The following SESN3 variants were observed in gnomAD, a reference collection of about 807,000 sequenced individuals.
SESN3 encodes the protein sestrin 3, also known as sestrin-3.
SESN3 carries 21 observed loss-of-function variants against 55.3 expected under a neutral mutation model. That is an observed-to-expected ratio of 0.38 (90% CI 0.27 to 0.55). The LOEUF is 0.55. SESN3 is among the 20% of genes least tolerant of loss of function. SESN3 has a pLI of 0.76. For missense variants in SESN3, 408 were observed against 604.3 expected, an observed-to-expected ratio of 0.68 and a Z score of 3.41; for synonymous variants, 181 against 203.1, an observed-to-expected ratio of 0.89 and a Z score of 0.93.
At chr11:95,201,529 TA>T (rs1328523842) in intron 1 of SESN3, among the ~76,000 whole-genome samples, 4 of 152,082 alleles carry the variant, frequency 2.6e-5, no homozygotes, top group Non-Finnish European at 4.4e-5. Context: ...GAACTTGTTC[TA>T]AGTGCAAACA....
chr11:95,196,929 A>C (rs1335271336), intron 1 of SESN3, among the ~76,000 whole-genome samples: 1 of 152,208 alleles, frequency 6.6e-6, no homozygotes, highest in African/African-American at 2.4e-5. Context: ...CCCAGAACCA[A>C]GCATTTTAGT....
intron 7 of SESN3, among the ~76,000 whole-genome samples, chr11:95,178,157 T>G (rs1228183504): frequency 1.3e-5 from 2 of 152,190 alleles, no homozygotes; most frequent in Admixed American, 1.3e-4. Context: ...TACACTCAGG[T>G]ACTACGCACA....
chr11:95,213,054 G>A (rs189069242), intron 1 of SESN3, among the ~76,000 whole-genome samples: 2 of 151,970 alleles, frequency 1.3e-5, no homozygotes, highest in East Asian at 3.9e-4. Context: ...ATAATCTCCT[G>A]TAACCCCACC....
At chr11:95,217,095 G>A (rs1224952901) in intron 1 of SESN3, among the ~76,000 whole-genome samples, 3 of 144,772 alleles carry the variant, frequency 2.1e-5, no homozygotes, top group African/African-American at 7.7e-5. Context: ...AACAGAGCAA[G>A]ACTCTGTCTC....
chr11:95,196,831 A>C (rs1860370127), intron 1 of SESN3, among the ~76,000 whole-genome samples: 1 of 152,196 alleles, frequency 6.6e-6, no homozygotes, highest in Non-Finnish European at 1.5e-5. Flanking sequence ...CTTTTTTAAA[A>C]TTGCATTTTC....
chr11:95,172,966 A>G lies in SESN3; in HGVS notation c.*289T>C, dbSNP rs1478207428. The stretch of plus-strand genomic sequence containing the variant: ...CCCAAAGGCGCTGAAGTTAAGCATT[A>G]ATACGCCAGATTCATGATTTATGAT... On this transcript the variant is annotated 3_prime_UTR_variant, in exon 10 of 10. Coordinates refer to ENST00000536441, the MANE Select transcript of SESN3 (RefSeq NM_144665.4). The G allele has an allele frequency of 6.4e-6, 2 of 310,086 alleles. No individual in the cohort carries two copies. The highest frequency in any genetic ancestry group is 1.2e-5 in the Non-Finnish European group (2 of 167,082). 19.2% of individuals were successfully genotyped at this position (310,086 alleles called of 1,614,324 possible).
rs1404281385 is a variant in SESN3, at chr11:95,209,789, G to T, written c.79-16267C>A. 1.3e-5 allele frequency among the ~76,000 whole-genome samples: 2 copies of T among 150,770 alleles called. 1 individual carries two copies. The highest frequency in any genetic ancestry group is 4.9e-5 in the African/African-American group (2 of 41,012). On this transcript the variant is annotated intron_variant, in intron 1 of 9. Coordinates refer to ENST00000536441, the MANE Select transcript of SESN3 (RefSeq NM_144665.4). ...CTCAGCACTTTGGGAGGCTGAGGCGGGTGGATCTCCTGAGGTTAGAAGTTT... is the reference window on the plus strand; with the variant it reads ...CTCAGCACTTTGGGAGGCTGAGGCGTGTGGATCTCCTGAGGTTAGAAGTTT...
rs1236425541 is a variant in SESN3 at position 95,168,014 on chromosome 11, A to T, written c.*5241T>A. 6.6e-6 allele frequency: 1 copy of T among 152,202 alleles called. No individual in the cohort carries two copies. The allele number at this position is 152,202 out of a possible 1,614,324, so 9.4% of individuals were successfully genotyped here. Reference sequence around the variant, plus strand: ...GGAACAGAGGTTAGAGGCTTAGTCTAACCCAGGAAAGCCTGGTTAAACCCT... The same window carrying T: ...GGAACAGAGGTTAGAGGCTTAGTCTTACCCAGGAAAGCCTGGTTAAACCCT... On this transcript the variant is annotated 3_prime_UTR_variant, in exon 10 of 10. Coordinates refer to ENST00000536441, the MANE Select transcript of SESN3 (RefSeq NM_144665.4).
intron 1 of SESN3, among the ~76,000 whole-genome samples, chr11:95,210,244 G>T (rs1387271526): frequency 1.3e-5 from 2 of 152,070 alleles, no homozygotes; most frequent in African/African-American, 4.8e-5. Context: ...AGCATTAGGA[G>T]AAATACCTCA....
intron 1 of SESN3, among the ~76,000 whole-genome samples, chr11:95,215,373 G>A (rs931512565): frequency 6.6e-6 from 1 of 152,078 alleles, no homozygotes; most frequent in Non-Finnish European, 1.5e-5. Flanking sequence ...TTTGCCTACG[G>A]AATTGTTATT....
chr11:95,213,173 A>G (rs542946772), intron 1 of SESN3, among the ~76,000 whole-genome samples: 30 of 152,256 alleles, frequency 2.0e-4, no homozygotes, highest in African/African-American at 5.8e-4. Context: ...GTCTTTTCCA[A>G]TCAATAACAT....
chr11:95,173,236 A>G lies in SESN3; in HGVS notation c.*19T>C. ...TGAAAGGTCTTTACACATGTATGAC[A>G]TTTTCCTTGGGTGATACTTCAGGTC... On this transcript the variant is annotated 3_prime_UTR_variant, in exon 10 of 10. Coordinates refer to ENST00000536441, the MANE Select transcript of SESN3 (RefSeq NM_144665.4). 1 of 1,501,946 alleles carries G rather than the reference A, an allele frequency of 6.7e-7. No individual in the cohort carries two copies. The highest frequency in any genetic ancestry group is 9.2e-7 in the Non-Finnish European group (1 of 1,086,172). 93.0% of individuals were successfully genotyped at this position (1,501,946 alleles called of 1,614,324 possible). A position where few individuals can be genotyped will look rare whatever the true frequency, so the allele number is the denominator to read the frequency against.
At chr11:95,221,283 G>A (rs1860854028) in intron 1 of SESN3, among the ~76,000 whole-genome samples, 1 of 151,524 alleles carries the variant, frequency 6.6e-6, no homozygotes, top group Admixed American at 6.6e-5. Context: ...CAGCCTGGGT[G>A]ACAGAGTGAG....
chr11:95,231,690 C>G (rs527845001), upstream of SESN3: 2 of 152,390 alleles, frequency 1.3e-5, no homozygotes, highest in South Asian at 4.2e-4. Context: ...TTAAATGTTC[C>G]TTCCTTCAGG....
At chr11:95,215,022 G>A (rs1334874992) in intron 1 of SESN3, among the ~76,000 whole-genome samples, 1 of 152,112 alleles carries the variant, frequency 6.6e-6, no homozygotes. Context: ...TTGTAAAATA[G>A]GCAAAAGGAA....
At chr11:95,190,261 TA>T (rs1330078573) in intron 3 of SESN3, among the ~76,000 whole-genome samples, 2 of 151,952 alleles carry the variant, frequency 1.3e-5, no homozygotes, top group East Asian at 3.9e-4. Context: ...TCCATTTCAA[TA>T]TGACAAATAT....
chr11:95,206,947 T>C (rs1860560258), intron 1 of SESN3, among the ~76,000 whole-genome samples: 1 of 151,976 alleles, frequency 6.6e-6, no homozygotes, highest in South Asian at 2.1e-4. Flanking sequence ...AGAGGCATTT[T>C]TTTTTGTATT....
intron 8 of SESN3, among the ~76,000 whole-genome samples, chr11:95,176,435 G>A (rs1053082654): frequency 3.9e-5 from 6 of 152,206 alleles, no homozygotes; most frequent in Admixed American, 1.3e-4. Flanking sequence ...GATCCAAAAT[G>A]GGAGTAAAGC....
At chr11:95,201,092 A>G (rs1860453238) in intron 1 of SESN3, 1 of 152,048 alleles carries the variant, frequency 6.6e-6, no homozygotes, top group Admixed American at 6.6e-5. Flanking sequence ...CACTTTTCCA[A>G]AAGAATGAGT....
Sources: allele counts gnomAD v4.1 joint callset (sites outside exome capture counted in the v4.1 genomes callset), GRCh38; gene constraint gnomAD v4.1.1; transcripts MANE v1.5; gene names NCBI Gene and HGNC (gene_info 2026-07-23, HGNC 2026-07-21).